The following MOV10L1 variants were observed in gnomAD, a reference collection of about 807,000 sequenced individuals.
The protein encoded by MOV10L1 is RNA helicase Mov10l1.
Under a neutral mutation model 143.8 loss-of-function variants are expected in MOV10L1, and 110 were observed. The observed-to-expected ratio is 0.76, with a 90% CI of 0.66 to 0.90. MOV10L1 has a LOEUF of 0.90. MOV10L1 is among the 40% of genes least tolerant of loss of function. The probability of loss-of-function intolerance (pLI) is 0.00; values close to 1 mark genes in which losing one functional copy is unlikely to be tolerated. For synonymous variants in MOV10L1, 593 were observed against 581.1 expected (o/e 1.02, Z -0.29); for missense variants, 1,406 against 1,526.8 (o/e 0.92, Z 1.32).
intron 15 of MOV10L1, among the ~76,000 whole-genome samples, chr22:50,137,413 A>G (rs1305347889): frequency 6.6e-6 from 1 of 152,220 alleles, no homozygotes; most frequent in African/African-American, 2.4e-5. Flanking sequence ...ACAATGCAGA[A>G]GGAAAAATTA....
chr22:50,119,183 C>A (rs763017768), intron 9 of MOV10L1, among the ~76,000 whole-genome samples: 2 of 152,152 alleles, frequency 1.3e-5, no homozygotes, highest in Non-Finnish European at 2.9e-5. Context: ...AGTTACTTCC[C>A]CGTGAATATT....
In MOV10L1 at chr22:50,160,277, C is replaced by T. The variant is rs144704425; in HGVS notation, c.3325-411C>T. Among the ~76,000 whole-genome samples, 891 of 135,940 alleles carry T rather than the reference C, an allele frequency of 6.6e-3. 7 individuals carry two copies. The highest frequency in any genetic ancestry group is 0.021 in the African/African-American group (781 of 37,102). 89.2% of individuals were successfully genotyped at this position (135,940 alleles called of 152,430 possible). The stretch of plus-strand genomic sequence containing the variant: ...TCTTTTTTTTTTTTTGAGATGGCGT[C>T]GCTCTGTCGCCCAGGCTGGAGTGCA... On this transcript the variant is annotated intron_variant, in intron 24 of 26. Coordinates refer to ENST00000262794, the MANE Select transcript of MOV10L1 (RefSeq NM_018995.3).
At chr22:50,145,926 C>A in intron 19 of MOV10L1, 116 bp downstream of exon 19, 1 of 1,476,620 alleles carries the variant, frequency 6.8e-7, no homozygotes, top group Non-Finnish European at 9.2e-7. Context: ...GGGAGGGAGG[C>A]AGGGCTGTGG....
At chr22:50,144,798 G>C (rs554071851) in intron 18 of MOV10L1, among the ~76,000 whole-genome samples, 1 of 152,068 alleles carries the variant, frequency 6.6e-6, no homozygotes, top group East Asian at 1.9e-4. Context: ...AGCCAGGATG[G>C]TCTCGATCTC....
At position 50,128,310 on chromosome 22, in the gene MOV10L1, T is replaced by C. The variant is rs147432730; in HGVS notation, c.1819-106T>C. ...TCCTTTTCAACTAATTTTGCAGATA[T>C]CAAATTTTAGCTCAGAGCTATAGAA... On this transcript the variant is annotated intron_variant, in intron 12 of 26. Transcript: ENST00000262794. 1.4e-3 allele frequency: 932 copies of C among 677,260 alleles called. 4 individuals are homozygous for C. In the African/African-American group the frequency reaches 0.015, roughly 11 times the overall value. 42.0% of individuals were successfully genotyped at this position (677,260 alleles called of 1,614,324 possible).
rs992222485 is a variant in MOV10L1 at position 50,152,975 on chromosome 22, C to T, written c.2893-70C>T. ...AGGCCTCACGTTTGCTGTGCAGAGC[C>T]GCTTTTCGTTCGACAGAAACTGTGC... On this transcript the variant is annotated intron_variant, in intron 21 of 26. Transcript: ENST00000262794. This position sits in a 1 kb window ranked among gnomAD's most constrained non-coding sequence, Gnocchi z 4.4. The T allele has an allele frequency of 2.2e-5, 32 of 1,476,136 alleles. No homozygotes were observed. In the South Asian group the frequency reaches 3.5e-4, roughly 16 times the overall value. 91.4% of individuals were successfully genotyped at this position (1,476,136 alleles called of 1,614,324 possible). A position where few individuals can be genotyped will look rare whatever the true frequency, so the allele number is the denominator to read the frequency against.
At chr22:50,145,832 C>A (rs12170772) in intron 19 of MOV10L1, 22 bp downstream of exon 19, 80,431 of 1,612,350 alleles carry the variant, frequency 0.05, 2,205 homozygotes, top group African/African-American at 0.088. Context: ...GCATGGAGCG[C>A]GGCATGGGGC....
intron 19 of MOV10L1, among the ~76,000 whole-genome samples, chr22:50,148,662 TC>T (rs1178526475): frequency 1.4e-5 from 2 of 144,452 alleles, no homozygotes; most frequent in African/African-American, 2.5e-5. Flanking sequence ...TTTCTTTTTT[TC>T]TTTTTTTTTT....
chr22:50,131,794 A>G (rs2062686211), intron 13 of MOV10L1, among the ~76,000 whole-genome samples: 1 of 151,816 alleles, frequency 6.6e-6, no homozygotes, highest in African/African-American at 2.4e-5. Flanking sequence ...GTTGTGTTCC[A>G]TTGTACACTT....
At chr22:50,154,250 T>C (rs571704754) in intron 22 of MOV10L1, among the ~76,000 whole-genome samples, 1 of 152,252 alleles carries the variant, frequency 6.6e-6, no homozygotes, top group East Asian at 1.9e-4. Flanking sequence ...TCAGAAGCTT[T>C]CCTGGGTATC....
At chr22:50,120,937 T>G (rs1249422071) in intron 10 of MOV10L1, among the ~76,000 whole-genome samples, 13 of 152,172 alleles carry the variant, frequency 8.5e-5, no homozygotes, top group Admixed American at 8.5e-4. Context: ...AGGAGGCCTT[T>G]GTTATGAGCA....
intron 2 of MOV10L1, among the ~76,000 whole-genome samples, chr22:50,097,974 C>T (rs2062631605): frequency 6.6e-6 from 1 of 152,050 alleles, no homozygotes; most frequent in African/African-American, 2.4e-5. Context: ...GCTGGGACTG[C>T]AGGTGCTTGC....
At chr22:50,098,454 G>A (rs1443935771) in intron 2 of MOV10L1, among the ~76,000 whole-genome samples, 1 of 152,094 alleles carries the variant, frequency 6.6e-6, no homozygotes, top group African/African-American at 2.4e-5. Flanking sequence ...AGTGTTCTGA[G>A]GAATTAACCT....
intron 3 of MOV10L1, among the ~76,000 whole-genome samples, chr22:50,106,995 C>T (rs1015316176): frequency 1.4e-5 from 2 of 143,900 alleles, no homozygotes; most frequent in African/African-American, 5.3e-5. Flanking sequence ...GCCACCATGC[C>T]CGGCCAGGAC....
chr22:50,090,259 G>T, intron 1 of MOV10L1, 74 bp downstream of exon 1: 3 of 1,421,704 alleles, frequency 2.1e-6, no homozygotes, highest in Non-Finnish European at 1.8e-6. Flanking sequence ...CGCGCCCATA[G>T]GTCTTTGAGT....
At chr22:50,092,363 G>A (rs540197397) in intron 2 of MOV10L1, among the ~76,000 whole-genome samples, 178 bp downstream of exon 2, 1 of 152,190 alleles carries the variant, frequency 6.6e-6, no homozygotes, top group Non-Finnish European at 1.5e-5. Context: ...GGGTACAGTG[G>A]CTCACGCCTG....
At chr22:50,138,710 T>G (rs1298848179) in intron 15 of MOV10L1, among the ~76,000 whole-genome samples, 1 of 152,172 alleles carries the variant, frequency 6.6e-6, no homozygotes, top group East Asian at 1.9e-4. Flanking sequence ...TTTTGGTGTT[T>G]TGTTTGTTTG....
intron 10 of MOV10L1, 97 bp from the exon 11 acceptor site, chr22:50,125,295 T>C (rs2062466260): frequency 7.9e-7 from 1 of 1,270,220 alleles, no homozygotes; most frequent in Non-Finnish European, 1.1e-6. Flanking sequence ...GGCCATCTGC[T>C]GAACTGGAGC....
At chr22:50,134,774 T>C in intron 15 of MOV10L1, 144 bp downstream of exon 15, 1 of 681,226 alleles carries the variant, frequency 1.5e-6, no homozygotes, top group Non-Finnish European at 2.5e-6. Context: ...GGGGTGGGCG[T>C]TTCCTTCTCG....
Sources: allele counts gnomAD v4.1 joint callset (sites outside exome capture counted in the v4.1 genomes callset), GRCh38; gene constraint gnomAD v4.1.1; non-coding constraint Gnocchi (gnomAD v3.1); transcripts MANE v1.5; gene names NCBI Gene and HGNC (gene_info 2026-07-23, HGNC 2026-07-21).